The following RAB3IP variants were observed in gnomAD, a reference collection of about 807,000 sequenced individuals.
RAB3IP encodes the protein rab-3A-interacting protein.
A neutral mutation model predicts 59.1 loss-of-function variants in RAB3IP; 36 were observed. The ratio of observed to expected loss-of-function variants is 0.61; its 90% CI spans 0.47 to 0.80. The LOEUF (loss-of-function observed/expected upper bound fraction) is 0.80. RAB3IP is among the 30% of genes least tolerant of loss of function. The pLI is 0.00. For missense variants in RAB3IP, 511 were observed against 536.0 expected (o/e 0.95, Z 0.46); for synonymous variants, 207 against 191.2 (o/e 1.08, Z -0.68).
intron 1 of RAB3IP, among the ~76,000 whole-genome samples, chr12:69,753,256 CT>C (rs1869629709): frequency 6.6e-6 from 1 of 152,120 alleles, no homozygotes; most frequent in African/African-American, 2.4e-5. Context: ...TGTATTAACA[CT>C]TTTTATTAAG....
rs566552314 is a variant in RAB3IP, at chr12:69,756,537, C to T, written c.384C>T (p.Cys128=). The T allele has an allele frequency of 5.3e-5, 86 of 1,614,034 alleles. 1 individual carries two copies. The East Asian group carries it at 1.7e-3, about 31-fold the overall frequency. The change falls in exon 3 of 11, where the codon TGC becomes TGT. Residue 128 remains cysteine, a synonymous_variant. Transcript: ENST00000247833. ...AGGGTGCTACTATAACAGAGGCTTG[C>T]GATGGCAGTGATGATATTTTTGGGT... The part of the protein sequence containing the change: ...FLQGATITEA[C]DGSDDIFGLS...
chr12:69,772,510 T>G (rs1873302774), intron 3 of RAB3IP, among the ~76,000 whole-genome samples: 1 of 152,192 alleles, frequency 6.6e-6, no homozygotes, highest in African/African-American at 2.4e-5. Context: ...CCTTTGTGGT[T>G]AAGTGATTTT....
At chr12:69,778,401 T>G (rs1397573908) in intron 3 of RAB3IP, among the ~76,000 whole-genome samples, 2 of 116,036 alleles carry the variant, frequency 1.7e-5, no homozygotes, top group African/African-American at 3.3e-5. Flanking sequence ...GTCTGAAGCC[T>G]TCTTCTCTCA....
At chr12:69,813,171 A>C (rs935251230) in intron 10 of RAB3IP, 138 bp downstream of exon 10, 2 of 597,116 alleles carry the variant, frequency 3.3e-6, no homozygotes, top group Non-Finnish European at 5.8e-6. Flanking sequence ...AATCCCTTCT[A>C]TAGTTCTAAT....
chr12:69,739,486 A>C, intron 1 of RAB3IP: 1 of 262,098 alleles, frequency 3.8e-6, no homozygotes, highest in Admixed American at 5.2e-5. Context: ...ACAAGTCGGA[A>C]GCAGCTCACA....
intron 8 of RAB3IP, among the ~76,000 whole-genome samples, chr12:69,809,479 A>G (rs1206725506): frequency 6.6e-6 from 1 of 152,178 alleles, no homozygotes; most frequent in African/African-American, 2.4e-5. Context: ...CTCCTGGATA[A>G]TATCCTGCAG....
intron 8 of RAB3IP, among the ~76,000 whole-genome samples, chr12:69,806,526 T>A (rs1879303865): frequency 6.6e-6 from 1 of 151,542 alleles, no homozygotes; most frequent in East Asian, 1.9e-4. Flanking sequence ...TAGTTATTTC[T>A]TGCCTTCTGC....
chr12:69,769,906 A>G (rs1872826906), intron 3 of RAB3IP, among the ~76,000 whole-genome samples: 1 of 152,092 alleles, frequency 6.6e-6, no homozygotes, highest in South Asian at 2.1e-4. Flanking sequence ...TTGTGTGTGA[A>G]CTTGTCATAG....
rs778278475 is a variant in RAB3IP at position 69,755,642 on chromosome 12, G to T, written c.234G>T (p.Ala78=). 14 of 1,610,616 alleles carry T rather than the reference G, an allele frequency of 8.7e-6. No individual in the cohort carries two copies. In the South Asian group the frequency reaches 1.5e-4, roughly 18 times the overall value. ...VYSSPRRLNC[A]EISSISFHVT... is the part of the protein sequence containing the mutation. ...CATCCCCCAGACGTTTAAATTGTGCGGAAATATCTAGTATCAGGTAGGAAA... is the reference window on the plus strand; with the variant it reads ...CATCCCCCAGACGTTTAAATTGTGCTGAAATATCTAGTATCAGGTAGGAAA... Residue 78 remains alanine, a synonymous_variant, in exon 2 of 11, where the codon GCG becomes GCT. Coordinates refer to ENST00000247833, the MANE Select transcript of RAB3IP (RefSeq NM_022456.5).
upstream of RAB3IP, chr12:69,738,683 G>C (rs1438060377): frequency 6.6e-6 from 1 of 152,292 alleles, no homozygotes; most frequent in African/African-American, 2.4e-5. Flanking sequence ...GGAACCTCGG[G>C]CCAGGGCCGT....
chr12:69,792,564 G>A (rs1011486806), intron 4 of RAB3IP, among the ~76,000 whole-genome samples: 2 of 152,152 alleles, frequency 1.3e-5, no homozygotes, highest in Non-Finnish European at 2.9e-5. Flanking sequence ...TGGAAGGGCA[G>A]TGTGATGGAA....
chr12:69,816,300 G>T lies in RAB3IP; in HGVS notation c.*854G>T, dbSNP rs1302894804. On this transcript the variant is annotated 3_prime_UTR_variant, in exon 11 of 11. Transcript: ENST00000247833. ...CAACTGGAGAAATTATAACAAAGAGGTTTGTGGTAGACATGTAATAAGTAT... is the reference window on the plus strand; with the variant it reads ...CAACTGGAGAAATTATAACAAAGAGTTTTGTGGTAGACATGTAATAAGTAT... 6.6e-5 allele frequency: 10 copies of T among 152,172 alleles called. No homozygotes were observed. The highest frequency in any genetic ancestry group is 1.3e-4 in the Non-Finnish European group (9 of 68,032). The allele number at this position is 152,172 out of a possible 1,614,324, so 9.4% of individuals were successfully genotyped here.
At chr12:69,739,727 A>G in intron 1 of RAB3IP, 2 of 1,001,904 alleles carry the variant, frequency 2.0e-6, no homozygotes, top group Non-Finnish European at 3.1e-6. Context: ...GTGGGATTGC[A>G]TGGCTCTGCC....
intron 4 of RAB3IP, among the ~76,000 whole-genome samples, chr12:69,790,766 G>T (rs1876476226): frequency 6.6e-6 from 1 of 152,002 alleles, no homozygotes; most frequent in Non-Finnish European, 1.5e-5. Context: ...TGTATTTTTA[G>T]TAGAAACGGG....
At chr12:69,802,320 T>A (rs947815559) in intron 8 of RAB3IP, among the ~76,000 whole-genome samples, 1 of 152,154 alleles carries the variant, frequency 6.6e-6, no homozygotes, top group African/African-American at 2.4e-5. Context: ...TTTCATATTG[T>A]GTTTATAAAG....
chr12:69,799,830 G>C (rs1220956682), intron 6 of RAB3IP, among the ~76,000 whole-genome samples: 1 of 152,052 alleles, frequency 6.6e-6, no homozygotes, highest in Non-Finnish European at 1.5e-5. Flanking sequence ...ATTATATTCT[G>C]AATAGTGTGC....
chr12:69,801,573 C>T, intron 7 of RAB3IP, 36 bp from the exon 8 acceptor site: 1 of 1,032,296 alleles, frequency 9.7e-7, no homozygotes, highest in Non-Finnish European at 1.4e-6. Flanking sequence ...ATTTTTCTGC[C>T]AGTATAGCAT....
intron 1 of RAB3IP, among the ~76,000 whole-genome samples, chr12:69,746,584 T>G (rs1868364433): frequency 6.6e-6 from 1 of 152,190 alleles, no homozygotes; most frequent in Non-Finnish European, 1.5e-5. Context: ...GCACTTAGTA[T>G]CAGGATTTGC....
chr12:69,758,378 G>A (rs1481062868), intron 3 of RAB3IP, among the ~76,000 whole-genome samples: 2 of 152,084 alleles, frequency 1.3e-5, no homozygotes, highest in African/African-American at 2.4e-5. Flanking sequence ...TGTCTCATTT[G>A]TTCCTTTTTC....
Sources: gnomAD v4.1 joint callset for allele counts (sites outside exome capture counted in the v4.1 genomes callset) on GRCh38, gnomAD v4.1.1 for gene constraint, MANE v1.5 for transcripts, NCBI Gene and HGNC (gene_info 2026-07-23, HGNC 2026-07-21) for gene names.